The following UROS variants were observed in gnomAD, a reference collection of about 807,000 sequenced individuals.
The protein encoded by UROS is uroporphyrinogen-III synthase.
Under a neutral mutation model 33.0 loss-of-function variants are expected in UROS, and 18 were observed. The observed-to-expected ratio is 0.55, with a 90% CI of 0.38 to 0.81. The LOEUF (loss-of-function observed/expected upper bound fraction) is 0.81, where lower values mean the gene tolerates loss of function less well. Among genes scored for constraint, UROS ranks in the 30% least tolerant of loss-of-function variants. The probability of loss-of-function intolerance (pLI) is 0.00; values close to 1 mark genes in which losing one functional copy is unlikely to be tolerated. For missense variants in UROS, 293 were observed against 314.9 expected (o/e 0.93, Z 0.53); for synonymous variants, 114 against 121.1 (o/e 0.94, Z 0.38).
chr10:125,816,705 A>C, intron 1 of UROS, 180 bp from the exon 2 acceptor site: 1 of 629,322 alleles, frequency 1.6e-6, no homozygotes, highest in Non-Finnish European at 2.8e-6. Context: ...GTCACTGATA[A>C]GGCCAAGAAA....
At chr10:125,787,808 A>G (rs186918887), downstream of UROS, among the ~76,000 whole-genome samples, 9 of 152,312 alleles carry the variant, frequency 5.9e-5, no homozygotes, top group Non-Finnish European at 8.8e-5. Flanking sequence ...GATTTGGAGA[A>G]CAATCATCAC....
In UROS at chr10:125,794,998, A is replaced by C; in HGVS notation, c.562-20T>G. The C allele has an allele frequency of 1.2e-6, 2 of 1,600,564 alleles. No individual in the cohort carries two copies. The highest frequency in any genetic ancestry group is 1.7e-6 in the Non-Finnish European group (2 of 1,167,752). On this transcript the variant is annotated intron_variant, in intron 8 of 9. Coordinates refer to ENST00000368797, the MANE Select transcript of UROS (RefSeq NM_000375.3). ...AACCCCCTGTGGGGAACAGAAAACA[A>C]GATCAGTCCTTGCCATGAGACTGAG...
chr10:125,786,960 C>G (rs546562363), downstream of UROS, among the ~76,000 whole-genome samples: 1 of 152,368 alleles, frequency 6.6e-6, no homozygotes, highest in Admixed American at 6.5e-5. Flanking sequence ...AGGCTCCCGA[C>G]TCACGCAATC....
At chr10:125,798,169 G>C (rs1851523171) in intron 6 of UROS, 24 bp from the exon 7 acceptor site, 2 of 1,612,492 alleles carry the variant, frequency 1.2e-6, no homozygotes, top group African/African-American at 2.7e-5. Context: ...ACCAGGCTTT[G>C]TGAAAACTCA....
chr10:125,816,321 A>G, intron 2 of UROS, 61 bp from the exon 3 acceptor site: 1 of 1,600,878 alleles, frequency 6.2e-7, no homozygotes, highest in Non-Finnish European at 8.6e-7. Context: ...AGGGAACATT[A>G]ACAATTTATT....
intron 7 of UROS, among the ~76,000 whole-genome samples, chr10:125,797,410 A>G (rs531577736): frequency 6.6e-6 from 1 of 152,360 alleles, no homozygotes; most frequent in East Asian, 1.9e-4. Context: ...TACATCACTT[A>G]CCTTCATTCA....
chr10:125,790,954 T>C (rs975771270), intron 9 of UROS, among the ~76,000 whole-genome samples: 11 of 150,070 alleles, frequency 7.3e-5, no homozygotes, highest in Admixed American at 6.0e-4. Flanking sequence ...TAGCCAGGCA[T>C]GGTGGCGTGC....
intron 7 of UROS, among the ~76,000 whole-genome samples, chr10:125,797,399 T>C (rs1851455749): frequency 1.3e-5 from 2 of 152,168 alleles, no homozygotes; most frequent in Admixed American, 1.3e-4. Flanking sequence ...CACAGAGAGA[T>C]TACATCACTT....
At chr10:125,794,096 G>T (rs1010040351) in intron 9 of UROS, 1 of 152,822 alleles carries the variant, frequency 6.5e-6, no homozygotes, top group African/African-American at 2.4e-5. Context: ...CTGAGACCAT[G>T]GCAAGGCATC....
intron 5 of UROS, among the ~76,000 whole-genome samples, chr10:125,808,109 C>T (rs1290195020): frequency 1.3e-5 from 2 of 152,190 alleles, no homozygotes; most frequent in African/African-American, 4.8e-5. Context: ...TATTCATGAA[C>T]CAAGTAAGAA....
chr10:125,810,941 G>A (rs1442746880), intron 5 of UROS, among the ~76,000 whole-genome samples: 1 of 152,142 alleles, frequency 6.6e-6, no homozygotes, highest in Non-Finnish European at 1.5e-5. Context: ...TTTAGAACAT[G>A]TCCTTTTCCT....
chr10:125,804,529 T>C (rs1365204714), intron 6 of UROS, among the ~76,000 whole-genome samples: 2 of 152,216 alleles, frequency 1.3e-5, no homozygotes, highest in South Asian at 4.1e-4. Context: ...TCCTGACTTG[T>C]AGCCAACTTG....
chr10:125,807,151 T>G (rs543575443), intron 6 of UROS: 44 of 489,594 alleles, frequency 9.0e-5, no homozygotes, highest in Admixed American at 1.3e-4. Flanking sequence ...TCTCCACTGT[T>G]TTTATCTCCC....
chr10:125,800,954 A>C (rs965146590), intron 6 of UROS, among the ~76,000 whole-genome samples: 5 of 152,224 alleles, frequency 3.3e-5, no homozygotes, highest in Non-Finnish European at 7.3e-5. Context: ...TCATGAGACA[A>C]GAACCCAGAT....
intron 1 of UROS, among the ~76,000 whole-genome samples, chr10:125,820,396 G>A (rs1362012350): frequency 6.6e-6 from 1 of 152,160 alleles, no homozygotes; most frequent in Non-Finnish European, 1.5e-5. Flanking sequence ...GAGGAGACAG[G>A]ACACATTCTT....
downstream of UROS, chr10:125,788,469 G>A (rs547617448): frequency 3.6e-5 from 34 of 947,766 alleles, 2 homozygotes; most frequent in South Asian, 1.4e-3. Flanking sequence ...ACTTTATATA[G>A]AGCAAATTTT....
At chr10:125,802,576 T>C in intron 6 of UROS, 1 of 1,011,052 alleles carries the variant, frequency 9.9e-7, no homozygotes, top group Non-Finnish European at 1.2e-6. Flanking sequence ...GTGGCACAAG[T>C]GGCCAGAGAA....
intron 5 of UROS, among the ~76,000 whole-genome samples, chr10:125,809,243 A>T (rs61872248): frequency 1.3e-5 from 2 of 152,236 alleles, no homozygotes; most frequent in Admixed American, 6.5e-5. Flanking sequence ...TACAAGGCCA[A>T]GCAACAGTGC....
intron 2 of UROS, 58 bp downstream of exon 2, chr10:125,816,379 C>G: frequency 6.2e-7 from 1 of 1,610,354 alleles, no homozygotes; most frequent in Admixed American, 1.7e-5. Flanking sequence ...CTGCCTGCTC[C>G]AGGCCCCTTG....
Sources: allele counts gnomAD v4.1 joint callset (sites outside exome capture counted in the v4.1 genomes callset), GRCh38; gene constraint gnomAD v4.1.1; transcripts MANE v1.5; gene names NCBI Gene and HGNC (gene_info 2026-07-23, HGNC 2026-07-21).